The following RNF38 variants were observed in gnomAD, a reference collection of about 807,000 sequenced individuals.
RNF38 encodes E3 ubiquitin-protein ligase RNF38.
RNF38 carries 15 observed loss-of-function variants against 67.2 expected under a neutral mutation model. The ratio of observed to expected loss-of-function variants is 0.22; its 90% CI spans 0.15 to 0.34. The LOEUF (loss-of-function observed/expected upper bound fraction) is 0.34, where lower values mean the gene tolerates loss of function less well. RNF38 is among the 10% of genes least tolerant of loss of function. The probability of loss-of-function intolerance (pLI) is 1.00; values close to 1 mark genes in which losing one functional copy is unlikely to be tolerated. For missense variants in RNF38, 524 were observed against 639.9 expected, an observed-to-expected ratio of 0.82 and a Z score of 1.95; for synonymous variants, 220 against 218.8, an observed-to-expected ratio of 1.01 and a Z score of -0.05.
intron 10 of RNF38, among the ~76,000 whole-genome samples, chr9:36,343,132 A>ATT (rs1284109513): frequency 6.6e-6 from 1 of 152,000 alleles, no homozygotes; most frequent in Non-Finnish European, 1.5e-5. Context: ...CTCTATTGTT[A>ATT]TTTTCTATTT....
chr9:36,370,499 T>C lies in RNF38; in HGVS notation c.357-567A>G, dbSNP rs1369054148. ...CTGGGTAAACACGCGATGAATATGATTGAGAATATGATAGTATCAACATAA... is the reference window on the plus strand; with the variant it reads ...CTGGGTAAACACGCGATGAATATGACTGAGAATATGATAGTATCAACATAA... On this transcript the variant is annotated intron_variant, in intron 3 of 11. Transcript: ENST00000259605. Among the ~76,000 whole-genome samples the C allele has an allele frequency of 2.0e-5, 3 of 152,112 alleles. No individual in the cohort carries two copies. The East Asian group carries it at 5.8e-4, about 29-fold the overall frequency.
chr9:36,468,027 G>A (rs1587194922), intron 1 of RNF38, among the ~76,000 whole-genome samples: 1 of 152,260 alleles, frequency 6.6e-6, no homozygotes, highest in East Asian at 1.9e-4. Flanking sequence ...AAGACTGAGT[G>A]AGCTCAGGAG....
chr9:36,407,565 C>T (rs1301483677), intron 2 of RNF38, among the ~76,000 whole-genome samples: 1 of 152,256 alleles, frequency 6.6e-6, no homozygotes, highest in Non-Finnish European at 1.5e-5. Flanking sequence ...AAAGCATACA[C>T]TGCACATCAC....
At chr9:36,367,052 T>C (rs893936828) in intron 4 of RNF38, among the ~76,000 whole-genome samples, 4 of 152,332 alleles carry the variant, frequency 2.6e-5, no homozygotes, top group Admixed American at 1.3e-4. Context: ...ATTCTGGGTA[T>C]ACAGCGACTT....
rs951477749 is a variant in RNF38 at position 36,475,446 on chromosome 9, C to T, written n.241+11862G>A. ...TCATCTCAGCTCCTGCAACCTCCAT[C>T]TCCTGGGTTCAAGCAATTCTCCTGC... On this transcript the variant is annotated intron_variant and non_coding_transcript_variant, in intron 1 of 3. Transcript: ENST00000488058. 2.0e-5 allele frequency among the ~76,000 whole-genome samples: 3 copies of T among 151,894 alleles called. No homozygotes were observed. The East Asian group carries it at 6.0e-4, about 30-fold the overall frequency.
chr9:36,434,334 G>A (rs1205342181), intron 1 of RNF38, among the ~76,000 whole-genome samples: 1 of 132,798 alleles, frequency 7.5e-6, no homozygotes, highest in Non-Finnish European at 1.6e-5. Context: ...GGGGGAAGGA[G>A]GAGGGGGAGG....
At chr9:36,487,641 G>T (rs1424877464), upstream of RNF38, 19 of 940,986 alleles carry the variant, frequency 2.0e-5, no homozygotes, top group African/African-American at 3.6e-5. Context: ...CGGCAGCAGC[G>T]GTGGCGGCGA....
intron 1 of RNF38, among the ~76,000 whole-genome samples, chr9:36,482,296 G>C (rs962413718): frequency 3.6e-5 from 5 of 138,820 alleles, no homozygotes; most frequent in African/African-American, 1.3e-4. Flanking sequence ...CAGGTGATCC[G>C]CCCACCTCGG....
upstream of RNF38, among the ~76,000 whole-genome samples, chr9:36,404,278 G>C (rs1427446797): frequency 6.6e-6 from 1 of 152,172 alleles, no homozygotes; most frequent in Non-Finnish European, 1.5e-5. Flanking sequence ...TCAGTAGTCT[G>C]TTGCACTGTT....
At chr9:36,417,635 C>T (rs1587100943) in intron 2 of RNF38, among the ~76,000 whole-genome samples, 2 of 152,068 alleles carry the variant, frequency 1.3e-5, no homozygotes, top group African/African-American at 2.4e-5. Flanking sequence ...CTCAACCTTC[C>T]GAGTAGCTGG....
Position 36,353,175 on chromosome 9 carries a change from C to G in RNF38, c.1066G>C (p.Gly356Arg). ...HDPLHQEVSF[G>R]VPYPPFMPRR... is the part of the protein sequence containing the mutation. The stretch of plus-strand genomic sequence containing the variant: ...AGTACTCTGTGAAAACTTACTACTC[C>G]AAAGGACACCTCCTGATGCAAAGGA... The change falls in exon 7 of 12, where the codon GGA becomes CGA. Residue 356 changes from glycine to arginine, a missense_variant. By Grantham distance (125) the Gly-to-Arg change is moderately radical. Transcript: ENST00000259605. 6.2e-7 allele frequency: 1 copy of G among 1,613,716 alleles called. No homozygotes were observed. Among genetic ancestry groups the G allele is most frequent in the Non-Finnish European group, 8.5e-7 (1 of 1,179,872 alleles).
chr9:36,412,667 C>T (rs1838356101), intron 2 of RNF38, among the ~76,000 whole-genome samples: 1 of 152,212 alleles, frequency 6.6e-6, no homozygotes, highest in Non-Finnish European at 1.5e-5. Context: ...TGGCTGGGTG[C>T]AGTGGCTCAC....
At chr9:36,479,397 G>A (rs533654706) in intron 1 of RNF38, among the ~76,000 whole-genome samples, 2 of 152,144 alleles carry the variant, frequency 1.3e-5, no homozygotes, top group African/African-American at 4.8e-5. Context: ...GTTCAATATC[G>A]TTTGTGGGAA....
intron 1 of RNF38, among the ~76,000 whole-genome samples, chr9:36,448,229 G>A (rs183865199): frequency 6.6e-6 from 1 of 152,152 alleles, no homozygotes; most frequent in South Asian, 2.1e-4. Context: ...TATTCATTGT[G>A]ATAAACTATA....
chr9:36,434,406 T>TG (rs2134274836), intron 1 of RNF38, among the ~76,000 whole-genome samples: 1 of 151,498 alleles, frequency 6.6e-6, no homozygotes, highest in South Asian at 2.1e-4. Flanking sequence ...TTTTTTGAGA[T>TG]GGAGTTTTGC....
chr9:36,406,334 T>C (rs1277960518), intron 2 of RNF38, among the ~76,000 whole-genome samples: 1 of 152,230 alleles, frequency 6.6e-6, no homozygotes, highest in East Asian at 1.9e-4. Context: ...ATGGCTTACC[T>C]GCTGGAAGTT....
At chr9:36,454,601 G>A (rs1209108197) in intron 1 of RNF38, among the ~76,000 whole-genome samples, 1 of 28,088 alleles carries the variant, frequency 3.6e-5, no homozygotes, top group Non-Finnish European at 7.4e-5. Flanking sequence ...TTTTTTTTTT[G>A]AGACGGAGTC....
rs1323639993 is a variant in RNF38 at position 36,390,530 on chromosome 9, A to G, written c.99T>C (p.Pro33=). 3.7e-6 allele frequency: 6 copies of G among 1,613,928 alleles called. No homozygotes were observed. The highest frequency in any genetic ancestry group is 3.4e-6 in the Non-Finnish European group (4 of 1,179,962). Residue 33 remains proline, a synonymous_variant, in exon 2 of 12, where the codon CCT becomes CCC. Coordinates refer to ENST00000259605, the MANE Select transcript of RNF38 (RefSeq NM_022781.5). ...CERVRLQSLF[P]LLPSDQNTTV... is the part of the protein sequence containing the mutation. ...TAGTGTTCTGATCACTTGGGAGGAG[A>G]GGGAACAGGCTCTGAAGTCTCACCC...
chr9:36,427,930 A>G (rs1318729876), intron 1 of RNF38, among the ~76,000 whole-genome samples: 1 of 151,000 alleles, frequency 6.6e-6, no homozygotes, highest in African/African-American at 2.4e-5. Flanking sequence ...GGCTGGTCTC[A>G]AACTCCCGAC....
Sources: allele counts gnomAD v4.1 joint callset (sites outside exome capture counted in the v4.1 genomes callset), GRCh38; gene constraint gnomAD v4.1.1; transcripts MANE v1.5; gene names NCBI Gene and HGNC (gene_info 2026-07-23, HGNC 2026-07-21).